DMXL2: variants seen among roughly 807,000 people sequenced by gnomAD.
DMXL2 encodes the protein dmX-like protein 2.
A neutral mutation model predicts 331.1 loss-of-function variants in DMXL2; 103 were observed. The observed-to-expected ratio is 0.31, with a 90% CI of 0.27 to 0.37. The LOEUF (loss-of-function observed/expected upper bound fraction) is 0.37. Among genes scored for constraint, DMXL2 ranks in the 10% least tolerant of loss-of-function variants. DMXL2 has a pLI of 1.00. For missense variants in DMXL2, 3,171 were observed against 3,642.9 expected, an observed-to-expected ratio of 0.87 and a Z score of 3.33; for synonymous variants, 1,281 against 1,252.1, an observed-to-expected ratio of 1.02 and a Z score of -0.49.
chr15:51,581,483 G>C (rs1394830814), intron 1 of DMXL2, among the ~76,000 whole-genome samples: 1 of 152,142 alleles, frequency 6.6e-6, no homozygotes, highest in African/African-American at 2.4e-5. Context: ...GACAAAAAAA[G>C]CACTGATAAG....
intron 25 of DMXL2, 123 bp downstream of exon 25, chr15:51,479,825 C>A: frequency 1.6e-6 from 1 of 639,616 alleles, no homozygotes. Context: ...TAGTCTTGAA[C>A]TGATCATGAG....
Position 51,608,406 on chromosome 15 carries a change from A to G in DMXL2, c.87+14053T>C, listed in dbSNP as rs75430650. 6.4e-3 allele frequency among the ~76,000 whole-genome samples: 973 copies of G among 152,346 alleles called. 16 individuals carry two copies. Among genetic ancestry groups the G allele is most frequent in the African/African-American group, 0.023 (937 of 41,574 alleles). ...AAAATGTGGTACACATATGCCACAG[A>G]ATACTATGCAGCCAAAAAAATGAGA... On this transcript the variant is annotated intron_variant, in intron 1 of 43. Coordinates refer to ENST00000560891, the MANE Select transcript of DMXL2 (RefSeq NM_001378457.1).
chr15:51,537,082 C>T (rs1287417576), intron 11 of DMXL2, among the ~76,000 whole-genome samples: 1 of 152,074 alleles, frequency 6.6e-6, no homozygotes, highest in Admixed American at 6.6e-5. Flanking sequence ...GCTTGTACAA[C>T]AAAATGACCA....
Position 51,614,848 on chromosome 15 carries a change from A to G in DMXL2, c.87+7611T>C, listed in dbSNP as rs569251333. On this transcript the variant is annotated intron_variant, in intron 1 of 43. Transcript: ENST00000560891. ...GCTAACAAGATTTTATTTGTATTTTAACAGGAGCATTCTAGCTACTATGTT... is the reference window on the plus strand; with the variant it reads ...GCTAACAAGATTTTATTTGTATTTTGACAGGAGCATTCTAGCTACTATGTT... Among the ~76,000 whole-genome samples, 60 of 152,318 alleles carry G rather than the reference A, an allele frequency of 3.9e-4. 1 individual carries two copies. In the South Asian group the frequency reaches 8.1e-3, roughly 21 times the overall value.
At position 51,486,068 on chromosome 15, in the gene DMXL2, C is replaced by T. The variant is rs1260509479; in HGVS notation, c.5482+5G>A. 6.4e-7 allele frequency: 1 copy of T among 1,573,274 alleles called. No individual in the cohort carries two copies. The highest frequency in any genetic ancestry group is 1.2e-5 in the South Asian group (1 of 85,180). ...GAAAAAAAAGAAATCCACAAAACGT[C>T]CTACCTTGATGTTCATCATCCTCCT... On this transcript the variant is annotated splice_donor_5th_base_variant and intron_variant, in intron 23 of 43. Coordinates refer to ENST00000560891, the MANE Select transcript of DMXL2 (RefSeq NM_001378457.1).
At chr15:51,608,825 A>C (rs2053767763) in intron 1 of DMXL2, among the ~76,000 whole-genome samples, 1 of 152,220 alleles carries the variant, frequency 6.6e-6, no homozygotes, top group South Asian at 2.1e-4. Context: ...ATTGATACCA[A>C]GGAAATTCTA....
chr15:51,540,430 G>C (rs117084924), intron 9 of DMXL2, among the ~76,000 whole-genome samples: 1 of 152,138 alleles, frequency 6.6e-6, no homozygotes, highest in East Asian at 1.9e-4. Context: ...AGGATAATTA[G>C]GGTATATTTA....
At chr15:51,496,688 G>C (rs1479420240) in intron 18 of DMXL2, among the ~76,000 whole-genome samples, 1 of 152,250 alleles carries the variant, frequency 6.6e-6, no homozygotes, top group Non-Finnish European at 1.5e-5. Flanking sequence ...ACTTGGACCA[G>C]AGTAGTAACT....
chr15:51,480,270 A>T (rs2041913347), intron 24 of DMXL2, 131 bp from the exon 25 acceptor site: 2 of 956,464 alleles, frequency 2.1e-6, no homozygotes, highest in Admixed American at 5.6e-5. Flanking sequence ...AAATTTATTG[A>T]GCACCCAGTA....
chr15:51,590,001 T>C (rs1191378249), intron 1 of DMXL2, among the ~76,000 whole-genome samples: 1 of 152,210 alleles, frequency 6.6e-6, no homozygotes, highest in Non-Finnish European at 1.5e-5. Context: ...GTCAAATGTA[T>C]TGTTCATCTT....
At chr15:51,463,271 T>G in intron 33 of DMXL2, 108 bp downstream of exon 33, 2 of 673,846 alleles carry the variant, frequency 3.0e-6, no homozygotes, top group Non-Finnish European at 5.0e-6. Flanking sequence ...ACTTTGACTA[T>G]TACCCAACCA....
intron 18 of DMXL2, among the ~76,000 whole-genome samples, chr15:51,495,482 C>T (rs993603331): frequency 5.9e-5 from 9 of 152,208 alleles, no homozygotes; most frequent in East Asian, 1.9e-4. Flanking sequence ...ATATTTTCTA[C>T]ATGAATTCCG....
At position 51,536,523 on chromosome 15, in the gene DMXL2, G is replaced by A. The variant is rs2048296786; in HGVS notation, c.1957C>T (p.Leu653Phe). ...KFRYCGHRFHLNDLACHSVLP... is the reference protein window; with the variant it reads ...KFRYCGHRFHFNDLACHSVLP... The stretch of plus-strand genomic sequence containing the variant: ...ACTGAATGACATGCCAGGTCATTGA[G>A]GTGAAATCGATGACCGCAATATCTA... Residue 653 changes from leucine to phenylalanine, a missense_variant, in exon 12 of 44, where the codon CTC becomes TTC. Around this residue, in one of 7 missense-constraint regions of DMXL2, gnomAD observed 1,674 missense variants for 1,780.2 expected, o/e 0.94. Coordinates refer to ENST00000560891, the MANE Select transcript of DMXL2 (RefSeq NM_001378457.1). The A allele has an allele frequency of 5.6e-6, 9 of 1,613,858 alleles. No individual in the cohort carries two copies. The highest frequency in any genetic ancestry group is 7.6e-6 in the Non-Finnish European group (9 of 1,179,884).
chr15:51,598,650 G>A (rs2141294735), intron 1 of DMXL2, among the ~76,000 whole-genome samples: 1 of 152,258 alleles, frequency 6.6e-6, no homozygotes, highest in Non-Finnish European at 1.5e-5. Flanking sequence ...ATCTTAAAAT[G>A]CAGGTTTCTC....
chr15:51,473,329 T>C (rs975345417), intron 28 of DMXL2, among the ~76,000 whole-genome samples: 1 of 152,244 alleles, frequency 6.6e-6, no homozygotes, highest in Admixed American at 6.5e-5. Context: ...TATTAATATG[T>C]ACTGGCAGGT....
intron 41 of DMXL2, 46 bp downstream of exon 41, chr15:51,453,504 T>C: frequency 6.9e-7 from 1 of 1,446,142 alleles, no homozygotes; most frequent in Non-Finnish European, 9.5e-7. Context: ...AAGGTATGGA[T>C]TTCTAACGTT....
rs1447386151 is a variant in DMXL2 at position 51,498,845 on chromosome 15, G to C, written c.4379C>G (p.Thr1460Arg). The C allele has an allele frequency of 8.1e-6, 13 of 1,614,004 alleles. No individual in the cohort carries two copies. The highest frequency in any genetic ancestry group is 6.7e-5 in the Admixed American group (4 of 60,010). ...ATACTGATCCTCTGGTTGACTTACT[G>C]TCTGATCTTCATAGCTCTGTGGTAT... ...TKIPQSYEDQ[T>R]VSQPEDQYSE... The change falls in exon 18 of 44, where the codon ACA becomes AGA. Residue 1460 changes from threonine (T) to arginine (R), a missense_variant. By Grantham distance (71) the Thr-to-Arg change is moderately conservative (BLOSUM62 -1). Transcript: ENST00000560891.
At chr15:51,487,871 A>T in intron 22 of DMXL2, 83 bp downstream of exon 22, 1 of 1,235,728 alleles carries the variant, frequency 8.1e-7, no homozygotes, top group Non-Finnish European at 1.1e-6. Context: ...CAAACATATG[A>T]CCAAAAGTTA....
chr15:51,458,799 G>T lies in DMXL2; in HGVS notation c.7990-4C>A. 6.2e-7 allele frequency: 1 copy of T among 1,613,560 alleles called. No individual in the cohort carries two copies. The highest frequency in any genetic ancestry group is 8.5e-7 in the Non-Finnish European group (1 of 1,179,700). On this transcript the variant is annotated splice_region_variant and splice_polypyrimidine_tract_variant and intron_variant, in intron 34 of 43. Transcript: ENST00000560891. The stretch of plus-strand genomic sequence containing the variant: ...GATAGCCCAGATCAGCTTCAACCTA[G>T]AAAACATTCATCAGCAGTTTTAGTT...
Sources: allele counts gnomAD v4.1 joint callset (sites outside exome capture counted in the v4.1 genomes callset), GRCh38; gene constraint gnomAD v4.1.1; regional missense constraint gnomAD v4.1.1; transcripts MANE v1.5; gene names NCBI Gene and HGNC (gene_info 2026-07-23, HGNC 2026-07-21).